Variants in CDH22 observed in about 807,000 individuals in gnomAD.
The protein encoded by CDH22 is cadherin-22.
In CDH22, 30 loss-of-function variants were observed where a neutral mutation model predicts 58.4. That is an observed-to-expected ratio of 0.51 (90% CI 0.38 to 0.70). CDH22 has a LOEUF of 0.70. Among genes scored for constraint, CDH22 ranks in the 30% least tolerant of loss-of-function variants. The pLI is 0.00. For missense variants in CDH22, 1,014 were observed against 1,233.9 expected, an observed-to-expected ratio of 0.82 and a Z score of 2.67; for synonymous variants, 513 against 558.2, an observed-to-expected ratio of 0.92 and a Z score of 1.14.
chr20:46,243,577 T>C (rs1367001991), intron 2 of CDH22, among the ~76,000 whole-genome samples: 1 of 152,212 alleles, frequency 6.6e-6, no homozygotes, highest in African/African-American at 2.4e-5. Context: ...ATAAAATTAT[T>C]TCAGGACATC....
Position 46,174,678 on chromosome 20 carries a change from G to A in CDH22, c.2315C>T (p.Thr772Ile). The change falls in exon 12 of 12, where the codon ACC becomes ATC. Residue 772 changes from threonine to isoleucine, a missense_variant. This residue lies in a region of CDH22 where 208 missense variants were observed against 195.2 expected (regional missense o/e 1.07). Coordinates refer to ENST00000537909, the MANE Select transcript of CDH22 (RefSeq NM_021248.3). The surrounding 1 kb of genome is among the most constrained non-coding windows in gnomAD (Gnocchi z 4.4). ...LSVPPYDAFQ[T>I]YAFEGADSPA... ...CGAGTCCGCGCCCTCGAAGGCGTAG[G>A]TCTGGAAGGCGTCGTAGGGCGGCAC... 2 of 1,561,010 alleles carry A rather than the reference G, an allele frequency of 1.3e-6. No homozygotes were observed. The highest frequency in any genetic ancestry group is 1.2e-5 in the South Asian group (1 of 85,450).
chr20:46,266,745 C>G (rs1278872680), intron 1 of CDH22, among the ~76,000 whole-genome samples: 1 of 152,204 alleles, frequency 6.6e-6, no homozygotes, highest in African/African-American at 2.4e-5. Flanking sequence ...CTGCCCTGGA[C>G]TTCTATACAA....
intron 1 of CDH22, among the ~76,000 whole-genome samples, chr20:46,304,330 A>G (rs1265713935): frequency 1.3e-5 from 2 of 152,234 alleles, no homozygotes; most frequent in African/African-American, 4.8e-5. Context: ...GGGGTGTCCT[A>G]TGTGCCAGGC....
chr20:46,226,873 T>A (rs553548056), intron 4 of CDH22, among the ~76,000 whole-genome samples: 3 of 152,304 alleles, frequency 2.0e-5, no homozygotes, highest in Non-Finnish European at 4.4e-5. Flanking sequence ...CCTGTCCTCC[T>A]CGCACTCCCC....
In CDH22 at chr20:46,174,869, C is replaced by T. The variant is rs776500095; in HGVS notation, c.2124G>A (p.Gly708=). 2 of 1,345,666 alleles carry T rather than the reference C, an allele frequency of 1.5e-6. No homozygotes were observed. The highest frequency in any genetic ancestry group is 3.0e-5 in the African/African-American group (2 of 66,778). The allele number at this position is 1,345,666 out of a possible 1,614,324, so 83.4% of individuals were successfully genotyped here. A position where few individuals can be genotyped will look rare whatever the true frequency, so the allele number is the denominator to read the frequency against. Residue 708 remains glycine, a synonymous_variant, in exon 12 of 12, where the codon GGG becomes GGA. Coordinates refer to ENST00000537909, the MANE Select transcript of CDH22 (RefSeq NM_021248.3). The surrounding 1 kb of genome is among the most constrained non-coding windows in gnomAD (Gnocchi z 4.4). The stretch of plus-strand genomic sequence containing the variant: ...CCCCGCCCGAGCCCCCGCCCGCTCC[C>T]CCGCCCGCGCTGCCGCCCCCGTCGC... ...KGGDGGGSAG[G]GAGGGSGGGA...
chr20:46,293,528 C>T (rs1426339827), intron 1 of CDH22, among the ~76,000 whole-genome samples: 2 of 152,094 alleles, frequency 1.3e-5, no homozygotes, highest in Non-Finnish European at 2.9e-5. Flanking sequence ...TTTGGAATTC[C>T]CTCCCTCTAA....
chr20:46,258,501 A>T (rs1208374044), intron 1 of CDH22, among the ~76,000 whole-genome samples: 1 of 152,158 alleles, frequency 6.6e-6, no homozygotes, highest in Non-Finnish European at 1.5e-5. Context: ...ACTGTGACGG[A>T]GCCAACACCA....
intron 1 of CDH22, among the ~76,000 whole-genome samples, chr20:46,260,170 G>A (rs1432807826): frequency 6.6e-6 from 1 of 152,200 alleles, no homozygotes; most frequent in Non-Finnish European, 1.5e-5. Context: ...TTAAAAAAGA[G>A]ATGCCTTAAG....
intron 1 of CDH22, among the ~76,000 whole-genome samples, chr20:46,283,224 T>C (rs1568682744): frequency 6.6e-6 from 1 of 152,196 alleles, no homozygotes; most frequent in Admixed American, 6.5e-5. Context: ...TTGGAACCTA[T>C]GTCTTCAGCC....
chr20:46,214,347 T>C (rs2086066865), intron 5 of CDH22, among the ~76,000 whole-genome samples: 1 of 152,142 alleles, frequency 6.6e-6, no homozygotes, highest in South Asian at 2.1e-4. Context: ...GATGTGTCTC[T>C]TGGGGGCTCC....
intron 1 of CDH22, among the ~76,000 whole-genome samples, chr20:46,292,916 T>TTGTGTGTGTGTG (rs74176860): frequency 1.2e-3 from 176 of 143,916 alleles, no homozygotes; most frequent in East Asian, 2.9e-3. Flanking sequence ...CAGCCACTGG[T>TTGTGTGTGTGTG]TGTGTGTGTG....
At position 46,227,621 on chromosome 20, in the gene CDH22, G is replaced by A. The variant is rs1443846456; in HGVS notation, c.557C>T (p.Ser186Leu). 3.1e-6 allele frequency: 5 copies of A among 1,611,574 alleles called. No individual in the cohort carries two copies. Among genetic ancestry groups the A allele is most frequent in the Admixed American group, 1.7e-5 (1 of 59,898 alleles). Residue 186 changes from serine to leucine, a missense_variant, in exon 4 of 12, where the codon TCG (serine) becomes TTG (leucine). By Grantham distance (145) the Ser-to-Leu change is moderately radical (BLOSUM62 -2). Transcript: ENST00000537909. ...ATCCGAGGCCATCACCTGCATCACC[G>A]ACGTGCCTGGGCCCGGGGGACCAAG... The part of the protein sequence containing the change: ...SVAELSPTGT[S>L]VMQVMASDAD...
At chr20:46,255,458 T>A (rs890075529) in intron 1 of CDH22, among the ~76,000 whole-genome samples, 1 of 152,204 alleles carries the variant, frequency 6.6e-6, no homozygotes, top group African/African-American at 2.4e-5. Flanking sequence ...CACCTCTAGG[T>A]GAATGCAACC....
Position 46,252,684 on chromosome 20 carries a change from C to T in CDH22, c.-399-991G>A, listed in dbSNP as rs573406214. 2.6e-5 allele frequency among the ~76,000 whole-genome samples: 4 copies of T among 152,356 alleles called. No homozygotes were observed. The South Asian group carries it at 8.3e-4, about 32-fold the overall frequency. On this transcript the variant is annotated intron_variant, in intron 1 of 11. Transcript: ENST00000537909. ...TTCAGCTCAGTTCAACAGCTCAGTT[C>T]CACCAAGCTTCAACTTTGTGCCAGG... is the stretch of plus-strand genomic sequence containing the variant.
At chr20:46,189,518 G>A (rs2425770) in intron 8 of CDH22, among the ~76,000 whole-genome samples, 12,468 of 152,142 alleles carry the variant, frequency 0.082, 595 homozygotes, top group African/African-American at 0.12. Context: ...GAGAGACAGG[G>A]TCCTATGGGC....
At chr20:46,256,518 G>A (rs1438104429) in intron 1 of CDH22, among the ~76,000 whole-genome samples, 1 of 152,164 alleles carries the variant, frequency 6.6e-6, no homozygotes, top group Non-Finnish European at 1.5e-5. Context: ...TGTCTAGTGG[G>A]AAGGAGGAAC....
At position 46,248,047 on chromosome 20, in the gene CDH22, T is replaced by C. The variant is rs192154348; in HGVS notation, c.255+2993A>G. Among the ~76,000 whole-genome samples, 529 of 152,226 alleles carry C rather than the reference T, an allele frequency of 3.5e-3. 8 individuals are homozygous for C. The highest frequency in any genetic ancestry group is 0.026 in the Admixed American group (398 of 15,298). ...GAGGCTCTTGAAGTGAGCACGGAGA[T>C]TGTGTTAGGAGACCTGGTTTCTTGG... On this transcript the variant is annotated intron_variant, in intron 2 of 11. Coordinates refer to ENST00000537909, the MANE Select transcript of CDH22 (RefSeq NM_021248.3).
chr20:46,192,238 G>C (rs1345842267), intron 8 of CDH22, among the ~76,000 whole-genome samples: 1 of 152,184 alleles, frequency 6.6e-6, no homozygotes, highest in Non-Finnish European at 1.5e-5. Flanking sequence ...ATAAAGATGT[G>C]TCAAATGAAT....
chr20:46,188,950 AGCTTCCAG>A (rs1462304524), intron 8 of CDH22, among the ~76,000 whole-genome samples: 3 of 151,908 alleles, frequency 2.0e-5, no homozygotes, highest in Non-Finnish European at 4.4e-5. Flanking sequence ...GCAGCCTGAA[AGCTTCCAG>A]GCATCCAGGC....
Sources: gnomAD v4.1 joint callset for allele counts (sites outside exome capture counted in the v4.1 genomes callset) on GRCh38, gnomAD v4.1.1 for gene constraint, gnomAD v4.1.1 regional missense constraint, Gnocchi (gnomAD v3.1) non-coding constraint, MANE v1.5 for transcripts, NCBI Gene and HGNC (gene_info 2026-07-23, HGNC 2026-07-21) for gene names.